The following PAN3 variants were observed in gnomAD, a reference collection of about 807,000 sequenced individuals.
PAN3 encodes the protein poly(A) specific ribonuclease subunit PAN3.
PAN3 carries 19 observed loss-of-function variants against 96.2 expected under a neutral mutation model. That is an observed-to-expected ratio of 0.20 (90% confidence interval 0.14 to 0.29). The LOEUF (loss-of-function observed/expected upper bound fraction) is 0.29, where lower values mean the gene tolerates loss of function less well. Among genes scored for constraint, PAN3 ranks in the 10% least tolerant of loss-of-function variants. The pLI is 1.00. For missense variants in PAN3, 882 were observed against 1,108.1 expected, an observed-to-expected ratio of 0.80 and a Z score of 2.90; for synonymous variants, 433 against 406.6, an observed-to-expected ratio of 1.06 and a Z score of -0.78.
chr13:28,234,188 A>T (rs915340833), intron 6 of PAN3, among the ~76,000 whole-genome samples: 1 of 152,044 alleles, frequency 6.6e-6, no homozygotes, highest in Non-Finnish European at 1.5e-5. Flanking sequence ...TTTCAGTTCC[A>T]TGTGGGTTTT....
intron 1 of PAN3, among the ~76,000 whole-genome samples, chr13:28,152,915 A>G (rs974025517): frequency 6.6e-6 from 1 of 152,164 alleles, no homozygotes; most frequent in South Asian, 2.1e-4. Context: ...TTGTGTGGGT[A>G]TGGGGGGGAA....
intron 1 of PAN3, among the ~76,000 whole-genome samples, chr13:28,158,574 A>C (rs1317805072): frequency 6.6e-6 from 1 of 152,224 alleles, no homozygotes; most frequent in Non-Finnish European, 1.5e-5. Context: ...GCCAATGAGC[A>C]TATGAAAAAA....
At chr13:28,152,943 C>T (rs896035798) in intron 1 of PAN3, among the ~76,000 whole-genome samples, 9 of 152,078 alleles carry the variant, frequency 5.9e-5, no homozygotes, top group African/African-American at 1.9e-4. Flanking sequence ...TCTGGTATGA[C>T]GCTTTTCGAG....
At chr13:28,224,434 CCTT>C (rs1290451232) in intron 6 of PAN3, among the ~76,000 whole-genome samples, 4 of 152,144 alleles carry the variant, frequency 2.6e-5, no homozygotes, top group African/African-American at 4.8e-5. Flanking sequence ...GAGCATCTCT[CCTT>C]CTGCTTAATT....
chr13:28,184,399 A>G (rs918979558), intron 4 of PAN3, among the ~76,000 whole-genome samples: 3 of 152,190 alleles, frequency 2.0e-5, no homozygotes, highest in Non-Finnish European at 4.4e-5. Context: ...GCATAGAATA[A>G]TATAAATTAC....
chr13:28,260,305 A>G (rs1885588215), intron 7 of PAN3, 142 bp from the exon 8 acceptor site: 1 of 540,990 alleles, frequency 1.8e-6, no homozygotes, highest in African/African-American at 1.9e-5. Context: ...GAGGCAGGAG[A>G]ATCACTTGAA....
At chr13:28,171,798 G>C (rs1874343027) in intron 1 of PAN3, among the ~76,000 whole-genome samples, 1 of 152,190 alleles carries the variant, frequency 6.6e-6, no homozygotes, top group Non-Finnish European at 1.5e-5. Context: ...AACTCAGCCT[G>C]TAGCCCCTCT....
At chr13:28,148,388 ATCTC>A (rs1278254322) in intron 1 of PAN3, among the ~76,000 whole-genome samples, 2 of 152,108 alleles carry the variant, frequency 1.3e-5, no homozygotes, top group East Asian at 1.9e-4. Flanking sequence ...GCTCTAGCAA[ATCTC>A]TCTCCTCAGT....
chr13:28,290,136 C>A (rs1030359597), intron 18 of PAN3, among the ~76,000 whole-genome samples: 1 of 152,140 alleles, frequency 6.6e-6, no homozygotes, highest in Non-Finnish European at 1.5e-5. Context: ...GTAAAATAAA[C>A]AATAAGCCAA....
intron 6 of PAN3, among the ~76,000 whole-genome samples, chr13:28,247,189 T>A (rs1442357839): frequency 6.6e-6 from 1 of 152,120 alleles, no homozygotes; most frequent in Non-Finnish European, 1.5e-5. Context: ...ACTTTTTTCA[T>A]ATAACTTGGT....
At chr13:28,217,107 C>CT (rs1491074342) in intron 5 of PAN3, among the ~76,000 whole-genome samples, 2 of 142,478 alleles carry the variant, frequency 1.4e-5, no homozygotes, top group East Asian at 2.2e-4. Flanking sequence ...GAGTAAAACT[C>CT]TGTCTCAAAA....
chr13:28,239,389 T>C (rs964230896), intron 6 of PAN3, among the ~76,000 whole-genome samples: 3 of 152,178 alleles, frequency 2.0e-5, no homozygotes, highest in African/African-American at 7.2e-5. Flanking sequence ...ACAATCTCAC[T>C]GTAACTGAGT....
At chr13:28,236,350 C>T (rs2138471403) in intron 6 of PAN3, among the ~76,000 whole-genome samples, 1 of 152,206 alleles carries the variant, frequency 6.6e-6, no homozygotes, top group South Asian at 2.1e-4. Flanking sequence ...CCATCTAGGA[C>T]CTATTAAATC....
At chr13:28,197,091 C>T (rs894209455) in intron 4 of PAN3, 94 bp from the exon 5 acceptor site, 3 of 1,384,564 alleles carry the variant, frequency 2.2e-6, no homozygotes, top group Admixed American at 5.7e-5. Context: ...TCCTATCCCA[C>T]CGTTCCCAGT....
intron 6 of PAN3, among the ~76,000 whole-genome samples, chr13:28,232,776 C>T (rs1301856257): frequency 6.6e-6 from 1 of 151,970 alleles, no homozygotes; most frequent in Non-Finnish European, 1.5e-5. Flanking sequence ...AATTTGAGTT[C>T]GAGGGTGAGC....
At chr13:28,194,466 A>ATATATATATTTTTT (rs1429166016) in intron 4 of PAN3, among the ~76,000 whole-genome samples, 3 of 122,116 alleles carry the variant, frequency 2.5e-5, no homozygotes, top group African/African-American at 1.1e-4. Context: ...ATATATATAT[A>ATATATATATTTTTT]TTTTTTTTTT....
rs1269233194 is a variant in PAN3, at chr13:28,293,334, T to G, written c.*812T>G. The G allele has an allele frequency of 2.0e-5, 3 of 150,592 alleles. No homozygotes were observed. Among genetic ancestry groups the G allele is most frequent in the Non-Finnish European group, 1.5e-5 (1 of 67,724 alleles). The allele number at this position is 150,592 out of a possible 1,614,324, so 9.3% of individuals were successfully genotyped here. A position where few individuals can be genotyped will look rare whatever the true frequency, so the allele number is the denominator to read the frequency against. On this transcript the variant is annotated 3_prime_UTR_variant, in exon 19 of 19. Coordinates refer to ENST00000380958, the MANE Select transcript of PAN3 (RefSeq NM_175854.8). ...AATAGGAGAAAATTAAGAAATTGTG[T>G]TAAAGGCCTAAAGTTCAGGAGTGTA...
intron 5 of PAN3, among the ~76,000 whole-genome samples, chr13:28,201,548 A>G (rs763397531): frequency 2.6e-5 from 4 of 151,732 alleles, no homozygotes; most frequent in Non-Finnish European, 5.9e-5. Context: ...TCCATCTCAA[A>G]ATAGTAATAA....
At chr13:28,241,588 A>G (rs1883666855) in intron 6 of PAN3, among the ~76,000 whole-genome samples, 1 of 151,972 alleles carries the variant, frequency 6.6e-6, no homozygotes, top group Non-Finnish European at 1.5e-5. Context: ...TGGATAGTTT[A>G]TTTATTTCTA....
Sources: gnomAD v4.1 joint callset for allele counts (sites outside exome capture counted in the v4.1 genomes callset) on GRCh38, gnomAD v4.1.1 for gene constraint, MANE v1.5 for transcripts, NCBI Gene and HGNC (gene_info 2026-07-23, HGNC 2026-07-21) for gene names.